ATRN: variants seen among roughly 807,000 people sequenced by gnomAD.
ATRN encodes the protein attractin-2.
In ATRN, 54 loss-of-function variants were observed where a neutral mutation model predicts 178.7. The ratio of observed to expected loss-of-function variants is 0.30; its 90% confidence interval spans 0.24 to 0.38. The LOEUF (loss-of-function observed/expected upper bound fraction) is 0.38, where lower values mean the gene tolerates loss of function less well. ATRN is among the 10% of genes least tolerant of loss of function. The pLI is 1.00. For synonymous variants in ATRN, 636 were observed against 663.0 expected, an observed-to-expected ratio of 0.96 and a Z score of 0.63; for missense variants, 1,443 against 1,815.1, an observed-to-expected ratio of 0.79 and a Z score of 3.73.
At chr20:3,516,297 T>C (rs1210848859) in intron 1 of ATRN, among the ~76,000 whole-genome samples, 2 of 152,200 alleles carry the variant, frequency 1.3e-5, no homozygotes, top group African/African-American at 4.8e-5. Flanking sequence ...ATTTTGTCTC[T>C]AGCCTTATCT....
chr20:3,558,404 T>C (rs1484821590), intron 6 of ATRN, among the ~76,000 whole-genome samples: 1 of 152,112 alleles, frequency 6.6e-6, no homozygotes, highest in African/African-American at 2.4e-5. Context: ...TTTTTTGCTA[T>C]TGTGATAAAC....
chr20:3,471,456 C>G lies in ATRN; in HGVS notation c.349C>G (p.Gln117Glu), dbSNP rs756444871. 9.9e-5 allele frequency: 142 copies of G among 1,430,396 alleles called. No homozygotes were observed. Among genetic ancestry groups the G allele is most frequent in the Non-Finnish European group, 1.1e-5 (12 of 1,100,038 alleles). The allele number at this position is 1,430,396 out of a possible 1,614,324, so 88.6% of individuals were successfully genotyped here. Residue 117 changes from glutamine to glutamate, a missense_variant, in exon 1 of 29, where the codon CAG becomes GAG. Physicochemically the swap from Gln to Glu is conservative, Grantham distance 29 (BLOSUM62 2). Coordinates refer to ENST00000262919, the MANE Select transcript of ATRN (RefSeq NM_139321.3). ...CGGTCGCTGCAACCCTGGCACCGGC[C>G]AGTGCGTCTGCCCCGCCGGCTGGGT... is the stretch of plus-strand genomic sequence containing the variant. ...NGGRCNPGTGQCVCPAGWVGE... is the reference protein window; with the variant it reads ...NGGRCNPGTGECVCPAGWVGE...
At chr20:3,490,721 T>C in intron 1 of ATRN, 1 of 795,998 alleles carries the variant, frequency 1.3e-6, no homozygotes, top group Non-Finnish European at 2.3e-6. Flanking sequence ...AGATCTCATT[T>C]GGGTGCTTCT....
intron 24 of ATRN, among the ~76,000 whole-genome samples, chr20:3,619,676 A>G (rs1487741544): frequency 1.3e-5 from 2 of 152,238 alleles, no homozygotes; most frequent in African/African-American, 2.4e-5. Flanking sequence ...TCTTGGACTC[A>G]GGTTCTACCC....
At chr20:3,490,677 A>T (rs1194976737) in intron 1 of ATRN, 13 of 823,066 alleles carry the variant, frequency 1.6e-5, no homozygotes, top group Middle Eastern at 3.0e-4. Context: ...CTGAGCCTTC[A>T]GGAGCTCCTC....
chr20:3,603,297 C>T (rs1209590036), intron 23 of ATRN, among the ~76,000 whole-genome samples: 4 of 152,082 alleles, frequency 2.6e-5, no homozygotes, highest in Non-Finnish European at 5.9e-5. Context: ...GCATGGGAGT[C>T]TGGCGCATTG....
intron 1 of ATRN, among the ~76,000 whole-genome samples, chr20:3,528,769 A>G (rs2085409707): frequency 6.6e-6 from 1 of 152,150 alleles, no homozygotes; most frequent in Admixed American, 6.5e-5. Context: ...ACAAAATAAT[A>G]TGTGCAGATG....
At chr20:3,621,641 AT>A (rs547422249) in intron 24 of ATRN, among the ~76,000 whole-genome samples, 21 of 152,246 alleles carry the variant, frequency 1.4e-4, no homozygotes, top group African/African-American at 4.3e-4. Context: ...ATTAAAATAG[AT>A]TTTTATATAG....
intron 1 of ATRN, among the ~76,000 whole-genome samples, chr20:3,497,368 A>G (rs567332056): frequency 1.5e-3 from 228 of 151,986 alleles, no homozygotes; most frequent in Non-Finnish European, 2.8e-3. Context: ...TGGTGACAGA[A>G]TCTCTCAGCA....
At chr20:3,554,305 T>TTTTATCTA (rs1555815683) in intron 6 of ATRN, among the ~76,000 whole-genome samples, 4 of 139,180 alleles carry the variant, frequency 2.9e-5, no homozygotes, top group African/African-American at 8.0e-5. Flanking sequence ...GATTACAGAT[T>TTTTATCTA]TTTATTTATT....
chr20:3,545,628 T>C, intron 3 of ATRN, 134 bp from the exon 4 acceptor site: 1 of 1,084,310 alleles, frequency 9.2e-7, no homozygotes, highest in African/African-American at 1.6e-5. Context: ...TGTGTGTTTA[T>C]CACAGGAATT....
At chr20:3,586,164 C>G (rs567549122) in intron 18 of ATRN, among the ~76,000 whole-genome samples, 1 of 152,218 alleles carries the variant, frequency 6.6e-6, no homozygotes, top group African/African-American at 2.4e-5. Flanking sequence ...TCATAATAAG[C>G]AAAAGTGAAA....
intron 1 of ATRN, among the ~76,000 whole-genome samples, chr20:3,512,259 C>T (rs6084399): frequency 1.6e-5 from 2 of 127,146 alleles, no homozygotes; most frequent in Non-Finnish European, 1.6e-5. Context: ...CCTCCCCCCT[C>T]CCCCCACGCC....
intron 6 of ATRN, 115 bp from the exon 7 acceptor site, chr20:3,559,278 C>T: frequency 2.5e-6 from 2 of 785,414 alleles, no homozygotes; most frequent in Non-Finnish European, 2.2e-6. Context: ...AAGTGCCCCC[C>T]TACATCCATG....
intron 6 of ATRN, among the ~76,000 whole-genome samples, chr20:3,552,255 A>G (rs2085799151): frequency 1.3e-5 from 2 of 152,148 alleles, no homozygotes; most frequent in Admixed American, 1.3e-4. Flanking sequence ...CTCATATAGT[A>G]TCTTGGCCTT....
Position 3,628,781 on chromosome 20 carries a change from C to T in ATRN, c.3863+4209C>T, listed in dbSNP as rs956117865. The T allele has an allele frequency of 5.0e-6, 3 of 602,494 alleles. No individual in the cohort carries two copies. In the African/African-American group the frequency reaches 6.1e-5, roughly 12 times the overall value. The allele number at this position is 602,494 out of a possible 1,614,324, so 37.3% of individuals were successfully genotyped here. The stretch of plus-strand genomic sequence containing the variant: ...CTTCTCGGTGATATCAACCAACTGA[C>T]TGCTTCATGAGCGAGACTCTTCCAG... On this transcript the variant is annotated intron_variant, in intron 25 of 28. Transcript: ENST00000262919.
In ATRN at chr20:3,562,406, T is replaced by G. The variant is rs1461938392; in HGVS notation, c.1578T>G (p.Asn526Lys). Residue 526 changes from asparagine to lysine, a missense_variant, in exon 9 of 29, where the codon AAT becomes AAG. Around this residue, in one of 4 missense-constraint regions of ATRN, gnomAD observed 862 missense variants for 972.1 expected, o/e 0.89. Coordinates refer to ENST00000262919, the MANE Select transcript of ATRN (RefSeq NM_139321.3). Reference protein sequence around the residue: ...VHGGYKAFSANKYRLADDLYR... With the variant: ...VHGGYKAFSAKKYRLADDLYR... ...GTGGCTACAAGGCTTTCAGTGCCAA[T>G]AAGTACCGGCTTGCAGATGATCTCT... is the stretch of plus-strand genomic sequence containing the variant. 3 of 1,614,072 alleles carry G rather than the reference T, an allele frequency of 1.9e-6. No homozygotes were observed. The highest frequency in any genetic ancestry group is 2.5e-6 in the Non-Finnish European group (3 of 1,180,046).
chr20:3,576,037 A>C (rs903560095), intron 13 of ATRN, 89 bp downstream of exon 13: 1 of 1,370,036 alleles, frequency 7.3e-7, no homozygotes, highest in Non-Finnish European at 9.6e-7. Flanking sequence ...ATAATGGCCC[A>C]GAGTTACTTT....
chr20:3,543,737 A>G (rs895983755), intron 3 of ATRN, among the ~76,000 whole-genome samples: 7 of 151,852 alleles, frequency 4.6e-5, no homozygotes, highest in South Asian at 2.1e-4. Flanking sequence ...GAAAAAAAAA[A>G]AAAATGAATG....
Sources: allele counts gnomAD v4.1 joint callset (sites outside exome capture counted in the v4.1 genomes callset), GRCh38; gene constraint gnomAD v4.1.1; regional missense constraint gnomAD v4.1.1; transcripts MANE v1.5; gene names NCBI Gene and HGNC (gene_info 2026-07-23, HGNC 2026-07-21).